FGF12: variants seen among roughly 807,000 people sequenced by gnomAD.
The protein encoded by FGF12 is fibroblast growth factor 12, also known as fibroblast growth factor 12B.
In FGF12, 14 loss-of-function variants were observed where a neutral mutation model predicts 23.6. The observed-to-expected ratio is 0.59, with a 90% CI of 0.39 to 0.93. FGF12 has a LOEUF of 0.93. Among genes scored for constraint, FGF12 ranks in the 40% least tolerant of loss-of-function variants. FGF12 has a pLI of 0.00. For synonymous variants in FGF12, 62 were observed against 77.3 expected (o/e 0.80, Z 1.04); for missense variants, 175 against 217.8 (o/e 0.80, Z 1.24).
intron 4 of FGF12, among the ~76,000 whole-genome samples, chr3:192,314,287 T>TA (rs144147712): frequency 0.11 from 16,009 of 139,530 alleles, 932 homozygotes; most frequent in South Asian, 0.17. Context: ...AAATTAAAAT[T>TA]AAAAAAAAAA....
At chr3:192,369,877 CA>C (rs1357648368) in intron 2 of FGF12, among the ~76,000 whole-genome samples, 1 of 152,100 alleles carries the variant, frequency 6.6e-6, no homozygotes, top group Non-Finnish European at 1.5e-5. Context: ...GCCACGGAAT[CA>C]CAGAATGGGG....
intron 2 of FGF12, among the ~76,000 whole-genome samples, chr3:192,395,308 C>T (rs1720472303): frequency 3.9e-5 from 6 of 152,022 alleles, no homozygotes; most frequent in Admixed American, 3.3e-4. Flanking sequence ...GAAGGGATGG[C>T]CATTAGGAGT....
chr3:192,243,712 T>C (rs1218474642), intron 4 of FGF12, among the ~76,000 whole-genome samples: 1 of 151,994 alleles, frequency 6.6e-6, no homozygotes, highest in Non-Finnish European at 1.5e-5. Context: ...ATTAATAAAA[T>C]GTTAACATCA....
At chr3:192,216,810 CAG>C (rs1325422461) in intron 4 of FGF12, among the ~76,000 whole-genome samples, 1 of 152,142 alleles carries the variant, frequency 6.6e-6, no homozygotes, top group African/African-American at 2.4e-5. Context: ...GTTTAATCTA[CAG>C]AGAGTGTGGA....
intron 2 of FGF12, among the ~76,000 whole-genome samples, chr3:192,689,038 C>G (rs1049456261): frequency 2.6e-5 from 4 of 152,010 alleles, no homozygotes; most frequent in African/African-American, 9.7e-5. Context: ...AAGTCAATGT[C>G]CAGGATGTAG....
chr3:192,167,410 G>A (rs1473902398), intron 5 of FGF12, among the ~76,000 whole-genome samples: 2 of 151,868 alleles, frequency 1.3e-5, no homozygotes, highest in East Asian at 1.9e-4. Context: ...GTTGTGTTCC[G>A]GGTGCAGTGC....
At chr3:192,299,183 G>A (rs985000130) in intron 4 of FGF12, among the ~76,000 whole-genome samples, 2 of 152,196 alleles carry the variant, frequency 1.3e-5, no homozygotes, top group African/African-American at 4.8e-5. Flanking sequence ...ATTTTGATAG[G>A]CAGAAGAAAT....
chr3:192,441,973 C>T (rs976971600), intron 2 of FGF12, among the ~76,000 whole-genome samples: 5 of 152,216 alleles, frequency 3.3e-5, no homozygotes, highest in African/African-American at 1.2e-4. Context: ...TTGCTGCTGA[C>T]TCACTTTAAT....
intron 4 of FGF12, among the ~76,000 whole-genome samples, chr3:192,295,555 T>TTC (rs1409369384): frequency 2.0e-5 from 3 of 152,206 alleles, no homozygotes; most frequent in African/African-American, 7.2e-5. Flanking sequence ...ATGTCTACAT[T>TTC]TCTCTCTTAA....
At chr3:192,697,734 C>A (rs566709789) in intron 2 of FGF12, among the ~76,000 whole-genome samples, 1 of 152,278 alleles carries the variant, frequency 6.6e-6, no homozygotes, top group Non-Finnish European at 1.5e-5. Flanking sequence ...TTCTCACTTT[C>A]ACTGACTTCA....
intron 2 of FGF12, among the ~76,000 whole-genome samples, chr3:192,586,070 A>ATC (rs1713362286): frequency 6.6e-6 from 1 of 152,196 alleles, no homozygotes; most frequent in South Asian, 2.1e-4. Flanking sequence ...TAAACATAAA[A>ATC]ATTAACCAAG....
chr3:192,315,830 T>C (rs975524164), intron 4 of FGF12, among the ~76,000 whole-genome samples: 3 of 151,550 alleles, frequency 2.0e-5, no homozygotes, highest in African/African-American at 7.3e-5. Flanking sequence ...GTGTGATGCT[T>C]TGGCAGGAAC....
At chr3:192,697,185 C>T (rs1273825177) in intron 2 of FGF12, among the ~76,000 whole-genome samples, 1 of 152,026 alleles carries the variant, frequency 6.6e-6, no homozygotes, top group African/African-American at 2.4e-5. Context: ...GCAATGATTC[C>T]CCAAAGGTTA....
chr3:192,679,336 T>A (rs1717437479), intron 2 of FGF12, among the ~76,000 whole-genome samples: 1 of 152,088 alleles, frequency 6.6e-6, no homozygotes, highest in Non-Finnish European at 1.5e-5. Context: ...GGTGGTTCAA[T>A]CCTGTAATCT....
chr3:192,681,514 A>C (rs190787532), intron 2 of FGF12, among the ~76,000 whole-genome samples: 7 of 152,240 alleles, frequency 4.6e-5, no homozygotes. Context: ...GGTGAAGACA[A>C]GAAGTAGATG....
At chr3:192,546,280 G>A (rs989688913) in intron 2 of FGF12, among the ~76,000 whole-genome samples, 5 of 151,942 alleles carry the variant, frequency 3.3e-5, no homozygotes, top group African/African-American at 1.2e-4. Flanking sequence ...AGTGACTACC[G>A]CACTACAGGG....
At chr3:192,356,968 G>A (rs115551348) in intron 3 of FGF12, among the ~76,000 whole-genome samples, 3,146 of 152,166 alleles carry the variant, frequency 0.021, 109 homozygotes, top group African/African-American at 0.07. Context: ...AAAATATGTG[G>A]GGAAAGTGTC....
chr3:192,145,410 A>C (rs1469867021), intron 5 of FGF12, among the ~76,000 whole-genome samples: 1 of 152,216 alleles, frequency 6.6e-6, no homozygotes, highest in Non-Finnish European at 1.5e-5. Context: ...TGATGAGGAG[A>C]CAGATTTCTT....
In FGF12 at chr3:192,314,100, C is replaced by T. The variant is rs558677213; in HGVS notation, c.228+21261G>A. On this transcript the variant is annotated intron_variant, in intron 4 of 5. Transcript: ENST00000445105. ...TGGCCAAGTGCAAACAGGAAGAGGG[C>T]CCTTACAAGAAACTTGGCCATGCTG... Among the ~76,000 whole-genome samples the T allele has an allele frequency of 2.0e-5, 3 of 152,180 alleles. No homozygotes were observed. The South Asian group carries it at 6.2e-4, about 32-fold the overall frequency.
Sources: allele counts gnomAD v4.1 joint callset (sites outside exome capture counted in the v4.1 genomes callset), GRCh38; gene constraint gnomAD v4.1.1; transcripts MANE v1.5; gene names NCBI Gene and HGNC (gene_info 2026-07-23, HGNC 2026-07-21).